The following TXNL4A variants were observed in gnomAD, a reference collection of about 807,000 sequenced individuals.
The protein encoded by TXNL4A is thioredoxin like 4A.
Under a neutral mutation model 14.6 loss-of-function variants are expected in TXNL4A, and 17 were observed. That is an observed-to-expected ratio of 1.16 (90% CI 0.80 to 1.74). The LOEUF (loss-of-function observed/expected upper bound fraction) is 1.74. TXNL4A is among the 40% of genes most tolerant of loss of function. The pLI, the probability that TXNL4A is intolerant of heterozygous loss-of-function variation, is 0.00. For missense variants in TXNL4A, 74 were observed against 195.2 expected, an observed-to-expected ratio of 0.38 and a Z score of 3.70; for synonymous variants, 83 against 70.6, an observed-to-expected ratio of 1.18 and a Z score of -0.88.
chr18:80,010,343 TCC>T (rs1329617443), intron 1 of TXNL4A, among the ~76,000 whole-genome samples: 1 of 151,944 alleles, frequency 6.6e-6, no homozygotes, highest in East Asian at 1.9e-4. Context: ...ACTCAGCTTG[TCC>T]CGGGACCTTG....
chr18:80,009,120 A>G (rs759854256), intron 1 of TXNL4A, among the ~76,000 whole-genome samples: 7 of 152,204 alleles, frequency 4.6e-5, no homozygotes, highest in Non-Finnish European at 8.8e-5. Flanking sequence ...AGGGGCTTTA[A>G]AGGAAGACAA....
At chr18:79,987,073 C>A (rs1200300376) in intron 1 of TXNL4A, among the ~76,000 whole-genome samples, 1 of 152,166 alleles carries the variant, frequency 6.6e-6, no homozygotes, top group Non-Finnish European at 1.5e-5. Flanking sequence ...CCATCCCTGA[C>A]CCCCATGGAA....
intron 1 of TXNL4A, among the ~76,000 whole-genome samples, chr18:80,026,134 T>A (rs1276389260): frequency 2.6e-5 from 4 of 152,180 alleles, no homozygotes; most frequent in Non-Finnish European, 5.9e-5. Flanking sequence ...TAGCCACACT[T>A]GTAAAATGCC....
At chr18:79,990,541 T>C (rs1347776440), upstream of TXNL4A, among the ~76,000 whole-genome samples, 2 of 152,354 alleles carry the variant, frequency 1.3e-5, no homozygotes, top group Non-Finnish European at 2.9e-5. Flanking sequence ...GGTCAGGCTA[T>C]TGCCTTCTAA....
At chr18:79,986,696 A>AGG in intron 1 of TXNL4A, 1 of 985,468 alleles carries the variant, frequency 1.0e-6, no homozygotes, top group Non-Finnish European at 1.2e-6. Flanking sequence ...CAGCCATCCT[A>AGG]GCCTCGAGCT....
upstream of TXNL4A, among the ~76,000 whole-genome samples, chr18:79,992,655 A>C (rs1300053396): frequency 6.6e-6 from 1 of 152,132 alleles, no homozygotes; most frequent in Non-Finnish European, 1.5e-5. Flanking sequence ...GCCCACAAGG[A>C]AATTCCTGGT....
chr18:79,986,769 A>G (rs997129520), intron 1 of TXNL4A: 5 of 985,362 alleles, frequency 5.1e-6, no homozygotes, highest in African/African-American at 3.5e-5. Flanking sequence ...TAGAACAGTG[A>G]AAGATTCTAG....
intron 1 of TXNL4A, among the ~76,000 whole-genome samples, chr18:80,009,251 T>C (rs60536469): frequency 0.24 from 36,735 of 152,180 alleles, 5,751 homozygotes; most frequent in Non-Finnish European, 0.35. Flanking sequence ...GCAGCTCGAA[T>C]GGAATGGCAG....
At chr18:79,987,610 G>C (rs1411277229) in intron 1 of TXNL4A, among the ~76,000 whole-genome samples, 1 of 152,180 alleles carries the variant, frequency 6.6e-6, no homozygotes, top group Non-Finnish European at 1.5e-5. Context: ...TTATAAAATA[G>C]TGTCCTACAA....
At chr18:80,000,642 A>T (rs2051692531) in intron 1 of TXNL4A, among the ~76,000 whole-genome samples, 1 of 152,096 alleles carries the variant, frequency 6.6e-6, no homozygotes, top group Non-Finnish European at 1.5e-5. Context: ...ATGAGGAGCC[A>T]AATTTTTTGT....
chr18:80,033,523 C>A (rs1339332458), intron 1 of TXNL4A, among the ~76,000 whole-genome samples: 1 of 152,248 alleles, frequency 6.6e-6, no homozygotes, highest in African/African-American at 2.4e-5. Context: ...GAGAAGGCGG[C>A]GCAGCAGCAA....
At chr18:80,002,707 CAT>C (rs1188835587) in intron 1 of TXNL4A, among the ~76,000 whole-genome samples, 5 of 152,376 alleles carry the variant, frequency 3.3e-5, no homozygotes, top group African/African-American at 4.8e-5. Flanking sequence ...TAGAAAACCA[CAT>C]GATTATTCCA....
chr18:79,988,904 C>T (rs372855684), upstream of TXNL4A, among the ~76,000 whole-genome samples: 39 of 152,314 alleles, frequency 2.6e-4, no homozygotes, highest in African/African-American at 8.7e-4. Flanking sequence ...CACTGCGGCT[C>T]GTTTTCTTCC....
At chr18:79,985,970 G>A (rs1451062082) in intron 1 of TXNL4A, 2 of 151,930 alleles carry the variant, frequency 1.3e-5, no homozygotes, top group Non-Finnish European at 2.9e-5. Flanking sequence ...CCAGAATTAG[G>A]AAGTCATATT....
chr18:79,981,355 T>TA (rs1212640299), intron 1 of TXNL4A, among the ~76,000 whole-genome samples: 1 of 152,248 alleles, frequency 6.6e-6, no homozygotes, highest in African/African-American at 2.4e-5. Context: ...CTGTGGTTTT[T>TA]AATAATTTGT....
intron 1 of TXNL4A, chr18:79,995,063 C>A (rs1007399008): frequency 6.6e-6 from 1 of 152,214 alleles, no homozygotes; most frequent in African/African-American, 2.4e-5. Flanking sequence ...GTTAGGGGAA[C>A]CCCTGTGATT....
In TXNL4A at chr18:79,973,448, A is replaced by T; in HGVS notation, c.*237T>A. The T allele has an allele frequency of 2.1e-6, 1 of 471,238 alleles. No individual in the cohort carries two copies. The highest frequency in any genetic ancestry group is 3.6e-6 in the Non-Finnish European group (1 of 274,402). 29.2% of individuals were successfully genotyped at this position (471,238 alleles called of 1,614,324 possible). On this transcript the variant is annotated 3_prime_UTR_variant, in exon 3 of 3. Transcript: ENST00000269601. ...TCGTTTTACTCCAAGGGTAAGAATT[A>T]ACTTTGACTAGGAAAATCAGTAATC...
chr18:79,984,262 C>T (rs1273164250), intron 1 of TXNL4A, among the ~76,000 whole-genome samples: 1 of 152,134 alleles, frequency 6.6e-6, no homozygotes, highest in African/African-American at 2.4e-5. Flanking sequence ...TATGAAGTTC[C>T]ATAAATATAT....
At position 79,972,661 on chromosome 18, in the gene TXNL4A, C is replaced by A. The variant is rs1175138291; in HGVS notation, c.*1024G>T. 1 of 152,194 alleles carries A rather than the reference C, an allele frequency of 6.6e-6. No homozygotes were observed. The highest frequency in any genetic ancestry group is 1.5e-5 in the Non-Finnish European group (1 of 68,080). 9.4% of individuals were successfully genotyped at this position (152,194 alleles called of 1,614,324 possible). ...TGTATTTTTAGTAGAGACGGGATTT[C>A]ACCATGTTGGCCAGGCTGGTCTCGA... On this transcript the variant is annotated 3_prime_UTR_variant, in exon 3 of 3. Coordinates refer to ENST00000269601, the MANE Select transcript of TXNL4A (RefSeq NM_006701.5).
Sources: gnomAD v4.1 joint callset for allele counts (sites outside exome capture counted in the v4.1 genomes callset) on GRCh38, gnomAD v4.1.1 for gene constraint, MANE v1.5 for transcripts, NCBI Gene and HGNC (gene_info 2026-07-23, HGNC 2026-07-21) for gene names.